Variants in GRK3 observed in about 807,000 individuals in gnomAD.
GRK3 encodes the protein adrenergic, beta, receptor kinase 2.
Under a neutral mutation model 95.7 loss-of-function variants are expected in GRK3, and 54 were observed. The observed-to-expected ratio is 0.56, with a 90% CI of 0.45 to 0.71. GRK3 has a LOEUF of 0.71. Ranked by LOEUF, GRK3 falls within the 30% of genes least tolerant of loss-of-function variation. The pLI is 0.00. For synonymous variants in GRK3, 281 were observed against 290.8 expected (o/e 0.97, Z 0.34); for missense variants, 649 against 851.2 (o/e 0.76, Z 2.96).
intron 9 of GRK3, 96 bp downstream of exon 9, chr22:25,679,011 A>T: frequency 1.2e-6 from 1 of 816,882 alleles, no homozygotes; most frequent in Non-Finnish European, 1.9e-6. Context: ...TTGCAAGGCC[A>T]GTGAGTTCTT....
At position 25,618,501 on chromosome 22, in the gene GRK3, T is replaced by C. The variant is rs186006168; in HGVS notation, c.190+14048T>C. On this transcript the variant is annotated intron_variant, in intron 2 of 20. Transcript: ENST00000324198. The stretch of plus-strand genomic sequence containing the variant: ...AAGTGTGTTTGTTACAGGCAGAATC[T>C]GCTTGAGACTGCTTTTTAAACCCAG... Among the ~76,000 whole-genome samples the C allele has an allele frequency of 3.7e-3, 571 of 152,370 alleles. 1 individual carries two copies. Among genetic ancestry groups the C allele is most frequent in the Middle Eastern group, 6.8e-3 (2 of 292 alleles).
Position 25,687,565 on chromosome 22 carries a change from A to G in GRK3, c.855A>G (p.Gln285=). Residue 285 remains glutamine, a synonymous_variant, in exon 11 of 21, where the codon CAA becomes CAG. Transcript: ENST00000324198. ...GCGATTTGCACTACCACCTTTCACA[A>G]CACGGTGTGTTCTCTGAGAAGGAGA... The part of the protein sequence containing the change: ...NGGDLHYHLS[Q]HGVFSEKEMR... The G allele has an allele frequency of 1.2e-6, 2 of 1,614,092 alleles. No individual in the cohort carries two copies. Among genetic ancestry groups the G allele is most frequent in the Non-Finnish European group, 1.7e-6 (2 of 1,179,984 alleles).
chr22:25,590,740 G>T (rs1449779283), intron 1 of GRK3, among the ~76,000 whole-genome samples: 4 of 152,188 alleles, frequency 2.6e-5, no homozygotes, highest in Non-Finnish European at 5.9e-5. Context: ...AGTATCACTT[G>T]AACTTGGGAG....
At chr22:25,662,892 T>A (rs796681279) in intron 4 of GRK3, among the ~76,000 whole-genome samples, 10 of 152,304 alleles carry the variant, frequency 6.6e-5, no homozygotes, top group African/African-American at 2.2e-4. Flanking sequence ...GATACCATTT[T>A]AATTTTTATC....
At chr22:25,699,699 C>CTTTTTT (rs532664312) in intron 13 of GRK3, among the ~76,000 whole-genome samples, 34 of 129,218 alleles carry the variant, frequency 2.6e-4, no homozygotes, top group African/African-American at 3.8e-4. Flanking sequence ...CTTTTCTTTT[C>CTTTTTT]TTTTTTTTTT....
At chr22:25,579,319 T>G (rs1453789382) in intron 1 of GRK3, among the ~76,000 whole-genome samples, 5 of 151,786 alleles carry the variant, frequency 3.3e-5, no homozygotes, top group African/African-American at 1.2e-4. Flanking sequence ...GCTAATTTTT[T>G]TTTTTTTGGT....
In GRK3 at chr22:25,727,277, A is replaced by G. The variant is rs1407178168; in HGVS notation, c.*4827A>G. The G allele has an allele frequency of 6.6e-6, 1 of 151,736 alleles. No individual in the cohort carries two copies. Among genetic ancestry groups the G allele is most frequent in the African/African-American group, 2.4e-5 (1 of 41,318 alleles). The allele number at this position is 151,736 out of a possible 1,614,324, so 9.4% of individuals were successfully genotyped here. On this transcript the variant is annotated 3_prime_UTR_variant, in exon 21 of 21. Transcript: ENST00000324198. The stretch of plus-strand genomic sequence containing the variant: ...AATTACTTAAATTCATGTTAATATG[A>G]TTTTTTTTTAATCCAGGTCACATTT...
chr22:25,685,290 G>A, intron 10 of GRK3, 42 bp downstream of exon 10: 1 of 1,451,266 alleles, frequency 6.9e-7, no homozygotes, highest in Non-Finnish European at 9.7e-7. Flanking sequence ...GAAAGACTTT[G>A]CCATGATGTT....
chr22:25,590,402 G>T (rs1932452826), intron 1 of GRK3, among the ~76,000 whole-genome samples: 1 of 150,530 alleles, frequency 6.6e-6, no homozygotes. Context: ...ATTCTTTTTT[G>T]ACCTATACAT....
In GRK3 at chr22:25,569,079, C is replaced by T. The variant is rs149699149; in HGVS notation, c.113+3926C>T. Among the ~76,000 whole-genome samples, 38 of 152,270 alleles carry T rather than the reference C, an allele frequency of 2.5e-4. 1 individual carries two copies. The East Asian group carries it at 7.3e-3, about 29-fold the overall frequency. ...TGATTGGTGGATAACTTGAAATACTCCTCTCCGTTTAGGCTGTAGAGTTTT... is the reference window on the plus strand; with the variant it reads ...TGATTGGTGGATAACTTGAAATACTTCTCTCCGTTTAGGCTGTAGAGTTTT... On this transcript the variant is annotated intron_variant, in intron 1 of 20. Coordinates refer to ENST00000324198, the MANE Select transcript of GRK3 (RefSeq NM_005160.4).
intron 5 of GRK3, among the ~76,000 whole-genome samples, chr22:25,665,423 A>G (rs541988976): frequency 1.3e-5 from 2 of 152,328 alleles, no homozygotes; most frequent in Admixed American, 6.5e-5. Context: ...AGCTTCCACT[A>G]TAACATAAAT....
chr22:25,712,210 G>T (rs553528266), intron 17 of GRK3, among the ~76,000 whole-genome samples: 1 of 152,310 alleles, frequency 6.6e-6, no homozygotes, highest in East Asian at 1.9e-4. Flanking sequence ...GAGGTTAGGT[G>T]AAGGCAAAGT....
At chr22:25,689,985 T>C (rs1345909406) in intron 11 of GRK3, among the ~76,000 whole-genome samples, 1 of 152,212 alleles carries the variant, frequency 6.6e-6, no homozygotes, top group African/African-American at 2.4e-5. Flanking sequence ...GCCTCTGTCA[T>C]TACCACTTTG....
intron 3 of GRK3, among the ~76,000 whole-genome samples, chr22:25,657,860 G>C (rs1480402152): frequency 1.3e-5 from 2 of 151,998 alleles, no homozygotes; most frequent in African/African-American, 4.8e-5. Context: ...TGGATGCCCT[G>C]TCTGAGTTTT....
In GRK3 at chr22:25,725,431, T is replaced by A. The variant is rs1379963959; in HGVS notation, c.*2981T>A. 2 of 397,274 alleles carry A rather than the reference T, an allele frequency of 5.0e-6. No homozygotes were observed. Among genetic ancestry groups the A allele is most frequent in the Non-Finnish European group, 8.9e-6 (2 of 225,708 alleles). 24.6% of individuals were successfully genotyped at this position (397,274 alleles called of 1,614,324 possible). On this transcript the variant is annotated 3_prime_UTR_variant, in exon 21 of 21. Coordinates refer to ENST00000324198, the MANE Select transcript of GRK3 (RefSeq NM_005160.4). ...ATATATATGGAATAAATTAAAAACC[T>A]TTGTGAATTCAGGTTTATTATTTTT...
chr22:25,654,408 C>T (rs748097184), intron 3 of GRK3, among the ~76,000 whole-genome samples: 1 of 151,954 alleles, frequency 6.6e-6, no homozygotes, highest in Non-Finnish European at 1.5e-5. Flanking sequence ...TGAAAATATA[C>T]ATAAAAATAT....
chr22:25,713,826 T>C (rs2085362388), intron 17 of GRK3, among the ~76,000 whole-genome samples: 1 of 152,216 alleles, frequency 6.6e-6, no homozygotes, highest in African/African-American at 2.4e-5. Flanking sequence ...TTGCCTGAAC[T>C]CCCCATATGT....
intron 3 of GRK3, among the ~76,000 whole-genome samples, chr22:25,657,707 T>C (rs1000429966): frequency 1.3e-5 from 2 of 151,992 alleles, no homozygotes; most frequent in African/African-American, 4.8e-5. Context: ...TAAATTTATA[T>C]ATATATTTTT....
At chr22:25,596,356 T>C (rs2084372481) in intron 1 of GRK3, among the ~76,000 whole-genome samples, 1 of 152,252 alleles carries the variant, frequency 6.6e-6, no homozygotes, top group African/African-American at 2.4e-5. Flanking sequence ...GAATAGAGTT[T>C]AGACTCAATT....
Sources: allele counts gnomAD v4.1 joint callset (sites outside exome capture counted in the v4.1 genomes callset), GRCh38; gene constraint gnomAD v4.1.1; transcripts MANE v1.5; gene names NCBI Gene and HGNC (gene_info 2026-07-23, HGNC 2026-07-21).